Variants in RNF180 observed in about 807,000 individuals in gnomAD.
RNF180 encodes the protein ring finger protein 180.
Under a neutral mutation model 59.2 loss-of-function variants are expected in RNF180, and 38 were observed. The ratio of observed to expected loss-of-function variants is 0.64; its 90% CI spans 0.50 to 0.84. The LOEUF is 0.84. Among genes scored for constraint, RNF180 ranks in the 40% least tolerant of loss-of-function variants. RNF180 has a pLI of 0.00. For synonymous variants in RNF180, 262 were observed against 240.3 expected (o/e 1.09, Z -0.84); for missense variants, 705 against 700.9 (o/e 1.01, Z -0.07).
chr5:64,313,674 A>G (rs1743895439), intron 5 of RNF180, among the ~76,000 whole-genome samples: 1 of 152,136 alleles, frequency 6.6e-6, no homozygotes, highest in African/African-American at 2.4e-5. Flanking sequence ...ATACTCAATA[A>G]TGGGATTACT....
chr5:64,195,824 G>A (rs1278785662), intron 1 of RNF180, among the ~76,000 whole-genome samples: 2 of 152,130 alleles, frequency 1.3e-5, no homozygotes, highest in Non-Finnish European at 2.9e-5. Flanking sequence ...GTGCAAGGTG[G>A]GAACCAGCCC....
At chr5:64,231,236 A>C (rs1337408249) in intron 5 of RNF180, among the ~76,000 whole-genome samples, 1 of 152,244 alleles carries the variant, frequency 6.6e-6, no homozygotes, top group Non-Finnish European at 1.5e-5. Context: ...ACACATATGT[A>C]GCACAAAGCT....
chr5:64,207,007 C>G (rs1282709006), intron 2 of RNF180, among the ~76,000 whole-genome samples: 1 of 151,964 alleles, frequency 6.6e-6, no homozygotes, highest in Non-Finnish European at 1.5e-5. Flanking sequence ...ACTGGAAACT[C>G]AAAGATGAGC....
At chr5:64,179,193 TC>T (rs1466936548) in intron 1 of RNF180, among the ~76,000 whole-genome samples, 1 of 152,184 alleles carries the variant, frequency 6.6e-6, no homozygotes, top group Non-Finnish European at 1.5e-5. Flanking sequence ...GTTTGCAGAT[TC>T]CTAATAAAAA....
rs553162561 is a variant in RNF180 at position 64,360,495 on chromosome 5, C to T, written c.1580-9120C>T. ...TGGAAGCATTCCCTTTGAAAACTGGCACAAGACAGGGATGCCCTCTCTCAC... is the reference window on the plus strand; with the variant it reads ...TGGAAGCATTCCCTTTGAAAACTGGTACAAGACAGGGATGCCCTCTCTCAC... On this transcript the variant is annotated intron_variant, in intron 7 of 7. Coordinates refer to ENST00000389100, the MANE Select transcript of RNF180 (RefSeq NM_001113561.2). Among the ~76,000 whole-genome samples, 104 of 151,804 alleles carry T rather than the reference C, an allele frequency of 6.9e-4. 2 individuals carry two copies. Among genetic ancestry groups the T allele is most frequent in the African/African-American group, 2.5e-3 (103 of 41,498 alleles).
At chr5:64,341,956 C>CATT (rs2112564595) in intron 7 of RNF180, among the ~76,000 whole-genome samples, 1 of 152,246 alleles carries the variant, frequency 6.6e-6, no homozygotes, top group Admixed American at 6.5e-5. Context: ...GTAGAAATCT[C>CATT]ATTTGATCAG....
At chr5:64,272,266 AT>A (rs1371641966) in intron 5 of RNF180, among the ~76,000 whole-genome samples, 1 of 152,088 alleles carries the variant, frequency 6.6e-6, no homozygotes, top group Non-Finnish European at 1.5e-5. Flanking sequence ...GGCTTTCCAA[AT>A]TGAAAAAGTG....
chr5:64,344,969 G>A (rs552162320), intron 7 of RNF180, among the ~76,000 whole-genome samples: 17 of 151,962 alleles, frequency 1.1e-4, no homozygotes, highest in Admixed American at 5.3e-4. Context: ...CAGTTTACCC[G>A]TAAGCCTTGT....
intron 5 of RNF180, among the ~76,000 whole-genome samples, chr5:64,289,904 G>C (rs1235918102): frequency 1.1e-4 from 16 of 151,764 alleles, no homozygotes; most frequent in Admixed American, 9.8e-4. Context: ...TCTGATTTTG[G>C]TTATTTCTTG....
rs1440544431 is a variant in RNF180, at chr5:64,214,441, T to G, written c.1115T>G (p.Leu372Arg). 4 of 1,613,796 alleles carry G rather than the reference T, an allele frequency of 2.5e-6. No individual in the cohort carries two copies. In the African/African-American group the frequency reaches 5.3e-5, roughly 22 times the overall value. The part of the protein sequence containing the change: ...NFSLGSINQR[L>R]NKRERSKLKN... ...TCATTGGGCAGCATTAATCAGAGGCTTAATAAGAGAGAAAGGAGCAAGTTG... is the reference window on the plus strand; with the variant it reads ...TCATTGGGCAGCATTAATCAGAGGCGTAATAAGAGAGAAAGGAGCAAGTTG... The change falls in exon 4 of 8, where the codon CTT becomes CGT. Residue 372 changes from leucine (L) to arginine (R), a missense_variant. Physicochemically the swap from Leu to Arg is moderately radical, Grantham distance 102. Coordinates refer to ENST00000389100, the MANE Select transcript of RNF180 (RefSeq NM_001113561.2).
At chr5:64,312,534 T>A (rs996084832) in intron 5 of RNF180, among the ~76,000 whole-genome samples, 15 of 151,888 alleles carry the variant, frequency 9.9e-5, no homozygotes, top group Middle Eastern at 3.4e-3. Flanking sequence ...GCATCTCTGT[T>A]CAATCAGACA....
intron 5 of RNF180, among the ~76,000 whole-genome samples, chr5:64,288,108 T>A (rs932358440): frequency 1.3e-5 from 2 of 152,132 alleles, no homozygotes; most frequent in Non-Finnish European, 2.9e-5. Flanking sequence ...CCAGTTTCAG[T>A]TTTCTGCATA....
intron 1 of RNF180, among the ~76,000 whole-genome samples, chr5:64,183,895 A>G (rs772118330): frequency 1.3e-5 from 2 of 152,218 alleles, no homozygotes; most frequent in Non-Finnish European, 2.9e-5. Flanking sequence ...ATTAGGCTGC[A>G]TTGGGCACCC....
At chr5:64,318,566 A>G (rs1429247287) in intron 5 of RNF180, among the ~76,000 whole-genome samples, 1 of 152,224 alleles carries the variant, frequency 6.6e-6, no homozygotes, top group Non-Finnish European at 1.5e-5. Flanking sequence ...ACATACATAT[A>G]TAAAATAAGA....
At chr5:64,214,756 C>G (rs922690174) in intron 4 of RNF180, among the ~76,000 whole-genome samples, 2 of 152,038 alleles carry the variant, frequency 1.3e-5, no homozygotes, top group Non-Finnish European at 2.9e-5. Flanking sequence ...TTTCGCAATT[C>G]TAATATTTTA....
At chr5:64,291,706 C>T (rs1742598549) in intron 5 of RNF180, among the ~76,000 whole-genome samples, 1 of 151,992 alleles carries the variant, frequency 6.6e-6, no homozygotes, top group Non-Finnish European at 1.5e-5. Flanking sequence ...GGATTACAGG[C>T]GTGAGCCACC....
chr5:64,364,067 T>C (rs1452160768), intron 7 of RNF180, among the ~76,000 whole-genome samples: 1 of 151,892 alleles, frequency 6.6e-6, no homozygotes, highest in Non-Finnish European at 1.5e-5. Flanking sequence ...CCTATTTGGA[T>C]GCTCTTTCTT....
At chr5:64,341,203 G>A (rs1016310636) in intron 7 of RNF180, among the ~76,000 whole-genome samples, 1 of 152,130 alleles carries the variant, frequency 6.6e-6, no homozygotes, top group African/African-American at 2.4e-5. Context: ...GTGTGAAAGC[G>A]TGGTGGCCAC....
chr5:64,209,957 C>T (rs778646208), intron 2 of RNF180, among the ~76,000 whole-genome samples: 30 of 152,034 alleles, frequency 2.0e-4, no homozygotes, highest in Non-Finnish European at 4.4e-4. Context: ...TGAGTCACTT[C>T]CAATAGGTTT....
Sources: allele counts gnomAD v4.1 joint callset (sites outside exome capture counted in the v4.1 genomes callset), GRCh38; gene constraint gnomAD v4.1.1; transcripts MANE v1.5; gene names NCBI Gene and HGNC (gene_info 2026-07-23, HGNC 2026-07-21).